ZFAND3: variants seen among roughly 807,000 people sequenced by gnomAD.
ZFAND3 encodes AN1-type zinc finger protein 3.
ZFAND3 carries 10 observed loss-of-function variants against 29.6 expected under a neutral mutation model. That is an observed-to-expected ratio of 0.34 (90% CI 0.21 to 0.57). ZFAND3 has a LOEUF of 0.57. Ranked by LOEUF, ZFAND3 falls within the 20% of genes least tolerant of loss-of-function variation. The pLI, the probability that ZFAND3 is intolerant of heterozygous loss-of-function variation, is 0.86. For synonymous variants in ZFAND3, 128 were observed against 112.6 expected (o/e 1.14, Z -0.87); for missense variants, 230 against 304.5 (o/e 0.76, Z 1.82).
intron 2 of ZFAND3, among the ~76,000 whole-genome samples, chr6:37,991,393 C>A (rs886702099): frequency 2.2e-4 from 33 of 151,910 alleles, no homozygotes; most frequent in African/African-American, 7.7e-4. Context: ...CACTCTGTCA[C>A]CCAGACTGGG....
At chr6:38,105,725 G>T (rs983997674) in intron 4 of ZFAND3, among the ~76,000 whole-genome samples, 2 of 152,068 alleles carry the variant, frequency 1.3e-5, no homozygotes, top group African/African-American at 4.8e-5. Context: ...AGGGGGCATG[G>T]GATCTCTCTG....
At chr6:37,856,332 C>A (rs1051555653) in intron 1 of ZFAND3, among the ~76,000 whole-genome samples, 6 of 152,138 alleles carry the variant, frequency 3.9e-5, no homozygotes, top group African/African-American at 1.2e-4. Context: ...CTGTCAGGCT[C>A]ACTTACCTGA....
intron 2 of ZFAND3, among the ~76,000 whole-genome samples, chr6:38,004,008 G>A (rs1029278458): frequency 1.3e-5 from 2 of 152,062 alleles, no homozygotes; most frequent in Non-Finnish European, 2.9e-5. Flanking sequence ...TCTCATTAAT[G>A]TTGTTATCTT....
chr6:37,884,774 G>T, intron 1 of ZFAND3, among the ~76,000 whole-genome samples: 1 of 116,676 alleles, frequency 8.6e-6, no homozygotes, highest in East Asian at 2.1e-4. Context: ...TGTGAATGAA[G>T]AAGAAAAATT....
At chr6:37,913,335 C>T (rs1394724860) in intron 1 of ZFAND3, among the ~76,000 whole-genome samples, 1 of 152,180 alleles carries the variant, frequency 6.6e-6, no homozygotes, top group Non-Finnish European at 1.5e-5. Flanking sequence ...TATTCTAAAT[C>T]CTTTGTTATT....
At chr6:37,858,844 G>A (rs944700820) in intron 1 of ZFAND3, among the ~76,000 whole-genome samples, 3 of 152,160 alleles carry the variant, frequency 2.0e-5, no homozygotes, top group African/African-American at 4.8e-5. Flanking sequence ...TGGCTCTTTC[G>A]TGTTTATAGT....
At chr6:37,828,770 C>T (rs912852727) in intron 1 of ZFAND3, among the ~76,000 whole-genome samples, 1 of 152,102 alleles carries the variant, frequency 6.6e-6, no homozygotes, top group Non-Finnish European at 1.5e-5. Flanking sequence ...TCTGCCTCAG[C>T]CTCCCGAGTA....
chr6:38,107,561 G>A, intron 4 of ZFAND3, among the ~76,000 whole-genome samples: 1 of 152,236 alleles, frequency 6.6e-6, no homozygotes, highest in East Asian at 1.9e-4. Flanking sequence ...GCCAGGCACA[G>A]TGGCTCACAC....
chr6:37,901,254 C>G (rs770278803), intron 1 of ZFAND3, among the ~76,000 whole-genome samples: 2 of 152,046 alleles, frequency 1.3e-5, no homozygotes, highest in Non-Finnish European at 2.9e-5. Flanking sequence ...AAAGGGCATC[C>G]TGAGAAAGCA....
rs1762720175 is a variant in ZFAND3, at chr6:37,989,241, C to G, written c.112+59242C>G. ...CATTTAAGGTATACCAGGTACTATC[C>G]TAGCATAGGGATATAGCAGAAAATA... On this transcript the variant is annotated intron_variant, in intron 2 of 5. Coordinates refer to ENST00000287218, the MANE Select transcript of ZFAND3 (RefSeq NM_021943.3). Among the ~76,000 whole-genome samples, 2 of 152,180 alleles carry G rather than the reference C, an allele frequency of 1.3e-5. 1 individual carries two copies. Among genetic ancestry groups the G allele is most frequent in the South Asian group, 4.1e-4 (2 of 4,820 alleles).
chr6:37,869,092 A>AT (rs918731000), intron 1 of ZFAND3, among the ~76,000 whole-genome samples: 2 of 152,292 alleles, frequency 1.3e-5, no homozygotes, highest in Admixed American at 1.3e-4. Context: ...AAGTTGTCAG[A>AT]TTTTTTTGGC....
intron 1 of ZFAND3, among the ~76,000 whole-genome samples, chr6:37,908,542 TAAAAAAAAAA>T (rs70981504): frequency 0.15 from 18,932 of 124,204 alleles, 2,100 homozygotes; most frequent in African/African-American, 0.34. Context: ...AAAAAAAAAT[TAAAAAAAAAA>T]AAAAAAAGAA....
chr6:37,924,990 G>A (rs947202219), intron 1 of ZFAND3, among the ~76,000 whole-genome samples: 2 of 152,018 alleles, frequency 1.3e-5, no homozygotes, highest in Non-Finnish European at 2.9e-5. Context: ...GGCAAGCATG[G>A]TTGAAATGTG....
At chr6:37,833,991 A>G (rs1424647313) in intron 1 of ZFAND3, among the ~76,000 whole-genome samples, 1 of 152,066 alleles carries the variant, frequency 6.6e-6, no homozygotes, top group Non-Finnish European at 1.5e-5. Context: ...ATTTTATAGA[A>G]TTGATGAACC....
chr6:37,914,736 C>G (rs1182975603), intron 1 of ZFAND3, among the ~76,000 whole-genome samples: 1 of 136,636 alleles, frequency 7.3e-6, no homozygotes, highest in East Asian at 2.1e-4. Context: ...CTCCTGACCT[C>G]GTGATCTGCC....
chr6:38,117,924 G>A (rs1765453407), intron 5 of ZFAND3, among the ~76,000 whole-genome samples: 1 of 152,204 alleles, frequency 6.6e-6, no homozygotes, highest in African/African-American at 2.4e-5. Context: ...TCCTATTCCT[G>A]TTTTGACCAG....
intron 1 of ZFAND3, among the ~76,000 whole-genome samples, chr6:37,825,497 A>C (rs781340383): frequency 6.6e-6 from 1 of 152,116 alleles, no homozygotes; most frequent in Non-Finnish European, 1.5e-5. Flanking sequence ...CGTCCCTTTG[A>C]TGTGATGGAA....
At chr6:37,997,634 G>A (rs556934472) in intron 2 of ZFAND3, among the ~76,000 whole-genome samples, 1 of 152,314 alleles carries the variant, frequency 6.6e-6, no homozygotes, top group East Asian at 1.9e-4. Context: ...AAGCACTTCT[G>A]TGGTCCCTTG....
rs182853830 is a variant in ZFAND3, at chr6:38,136,530, A to T, written c.530-15705A>T. ...GAAAAGTACTTTGGGACGGCAAGGG[A>T]GCTAGGGATGAGTGTGTTCCATGCC... On this transcript the variant is annotated intron_variant, in intron 5 of 5. Coordinates refer to ENST00000287218, the MANE Select transcript of ZFAND3 (RefSeq NM_021943.3). Among the ~76,000 whole-genome samples the T allele has an allele frequency of 1.9e-3, 290 of 152,188 alleles. 1 individual carries two copies. Among genetic ancestry groups the T allele is most frequent in the African/African-American group, 6.7e-3 (280 of 41,522 alleles).
Sources: allele counts gnomAD v4.1 joint callset (sites outside exome capture counted in the v4.1 genomes callset), GRCh38; gene constraint gnomAD v4.1.1; transcripts MANE v1.5; gene names NCBI Gene and HGNC (gene_info 2026-07-23, HGNC 2026-07-21).